Variants in MSH3 observed in about 807,000 individuals in gnomAD.
MSH3 encodes DNA mismatch repair protein Msh3.
Under a neutral mutation model 123.3 loss-of-function variants are expected in MSH3, and 106 were observed. The observed-to-expected ratio is 0.86, with a 90% CI of 0.73 to 1.01. The LOEUF is 1.01. Ranked by LOEUF, MSH3 falls within the 50% of genes least tolerant of loss-of-function variation. MSH3 has a pLI of 0.00. For synonymous variants in MSH3, 515 were observed against 481.4 expected, an observed-to-expected ratio of 1.07 and a Z score of -0.91; for missense variants, 1,459 against 1,347.6, an observed-to-expected ratio of 1.08 and a Z score of -1.29.
At chr5:80,706,065 C>A (rs1028452521) in intron 8 of MSH3, among the ~76,000 whole-genome samples, 1 of 152,174 alleles carries the variant, frequency 6.6e-6, no homozygotes, top group Non-Finnish European at 1.5e-5. Flanking sequence ...AAAGGAAATA[C>A]CTTTTGGCTG....
intron 8 of MSH3, among the ~76,000 whole-genome samples, chr5:80,683,563 T>G (rs183156450): frequency 1.4e-4 from 22 of 152,356 alleles, no homozygotes; most frequent in Admixed American, 6.5e-4. Context: ...AGATTTTTCC[T>G]GTAGAGTTGT....
intron 1 of MSH3, chr5:80,655,398 AT>A (rs1310135863): frequency 4.4e-6 from 1 of 229,720 alleles, no homozygotes; most frequent in Non-Finnish European, 8.6e-6. Context: ...CTGCAACAGC[AT>A]GGCTCAATAT....
intron 19 of MSH3, among the ~76,000 whole-genome samples, chr5:80,809,397 T>C (rs550995574): frequency 1.2e-4 from 18 of 152,320 alleles, no homozygotes; most frequent in Non-Finnish European, 2.2e-4. Context: ...TTGATTCTTA[T>C]TGTGTGAAAA....
chr5:80,807,176 G>A (rs1182860737), intron 19 of MSH3, among the ~76,000 whole-genome samples: 3 of 115,680 alleles, frequency 2.6e-5, no homozygotes, highest in African/African-American at 1.0e-4. Flanking sequence ...AGGTGACAGA[G>A]CAATACCCTG....
chr5:80,692,520 T>TTAGATAGATAAACATGTATATGTTTATA (rs1750313226), intron 8 of MSH3, among the ~76,000 whole-genome samples: 2 of 97,982 alleles, frequency 2.0e-5, no homozygotes. Flanking sequence ...ATGTATATGT[T>TTAGATAGATAAACATGTATATGTTTATA]TAGATAGATA....
chr5:80,682,696 T>C (rs1337472412), intron 8 of MSH3, among the ~76,000 whole-genome samples: 5 of 152,244 alleles, frequency 3.3e-5, no homozygotes, highest in African/African-American at 4.8e-5. Context: ...GGTATCCATC[T>C]CCTCAAGCAT....
chr5:80,723,597 A>G (rs1189227882), intron 8 of MSH3, among the ~76,000 whole-genome samples: 1 of 152,228 alleles, frequency 6.6e-6, no homozygotes, highest in Non-Finnish European at 1.5e-5. Flanking sequence ...ATCTTCATGT[A>G]TAAATCTTAG....
At chr5:80,740,546 C>G (rs1040674322) in intron 10 of MSH3, among the ~76,000 whole-genome samples, 1 of 151,564 alleles carries the variant, frequency 6.6e-6, no homozygotes, top group Non-Finnish European at 1.5e-5. Context: ...TTAGTAGAGA[C>G]GGGGTTTCAT....
chr5:80,791,174 A>G (rs1744600352), intron 18 of MSH3, among the ~76,000 whole-genome samples: 1 of 119,296 alleles, frequency 8.4e-6, no homozygotes, highest in South Asian at 2.4e-4. Context: ...CAATTTATAG[A>G]CAGACAGGAG....
chr5:80,808,100 A>G (rs1744924374), intron 19 of MSH3, among the ~76,000 whole-genome samples: 1 of 152,130 alleles, frequency 6.6e-6, no homozygotes, highest in Admixed American at 6.5e-5. Flanking sequence ...ACTTTTTGTT[A>G]GTATATAGGT....
chr5:80,732,863 C>T (rs903069437), intron 10 of MSH3, among the ~76,000 whole-genome samples: 4 of 152,122 alleles, frequency 2.6e-5, no homozygotes, highest in South Asian at 2.1e-4. Context: ...CTACAACTAA[C>T]GTGGAACTTT....
intron 7 of MSH3, 66 bp from the exon 8 acceptor site, chr5:80,678,861 C>A: frequency 6.4e-7 from 1 of 1,550,648 alleles, no homozygotes; most frequent in Non-Finnish European, 8.9e-7. Context: ...CATGTTTATG[C>A]TGTGTTATAG....
chr5:80,659,260 G>A (rs1643652), intron 2 of MSH3, among the ~76,000 whole-genome samples: 38,895 of 151,432 alleles, frequency 0.26, 5,174 homozygotes, highest in Middle Eastern at 0.33. Context: ...ATACAGTTAT[G>A]CAATATGATT....
chr5:80,660,622 G>C (rs879488012), intron 2 of MSH3, among the ~76,000 whole-genome samples: 1 of 152,122 alleles, frequency 6.6e-6, no homozygotes, highest in East Asian at 1.9e-4. Context: ...GTATTTCTTC[G>C]GAGATTCTTA....
At chr5:80,720,461 A>C (rs141639288) in intron 8 of MSH3, among the ~76,000 whole-genome samples, 43 of 151,504 alleles carry the variant, frequency 2.8e-4, no homozygotes, top group Non-Finnish European at 5.6e-4. Flanking sequence ...CTTTGAAAAA[A>C]ATTTCCCCCT....
chr5:80,828,289 C>A (rs993497029), intron 20 of MSH3, among the ~76,000 whole-genome samples: 1 of 152,128 alleles, frequency 6.6e-6, no homozygotes, highest in Non-Finnish European at 1.5e-5. Context: ...GTGAAAGTAA[C>A]CCACTCCTAT....
intron 10 of MSH3, among the ~76,000 whole-genome samples, chr5:80,738,017 A>G (rs1743544157): frequency 6.6e-6 from 1 of 152,188 alleles, no homozygotes; most frequent in Admixed American, 6.5e-5. Flanking sequence ...AAAAGACAAA[A>G]ACACCCATAA....
intron 3 of MSH3, among the ~76,000 whole-genome samples, chr5:80,668,158 G>A (rs559949453): frequency 6.6e-6 from 1 of 152,284 alleles, no homozygotes; most frequent in Non-Finnish European, 1.5e-5. Flanking sequence ...CCTCTCCGCA[G>A]GCAGGTTGTC....
chr5:80,711,501 G>T (rs1049371933), intron 8 of MSH3, among the ~76,000 whole-genome samples: 9 of 152,098 alleles, frequency 5.9e-5, no homozygotes, highest in African/African-American at 1.9e-4. Context: ...CCAGCTGACT[G>T]TCAAACTGGG....
Sources: gnomAD v4.1 joint callset for allele counts (sites outside exome capture counted in the v4.1 genomes callset) on GRCh38, gnomAD v4.1.1 for gene constraint, MANE v1.5 for transcripts, NCBI Gene and HGNC (gene_info 2026-07-23, HGNC 2026-07-21) for gene names.